CCSER2: variants seen among roughly 807,000 people sequenced by gnomAD.
The protein encoded by CCSER2 is coiled-coil serine rich protein 2.
In CCSER2, 46 loss-of-function variants were observed where a neutral mutation model predicts 92.3. The ratio of observed to expected loss-of-function variants is 0.50; its 90% CI spans 0.39 to 0.64. CCSER2 has a LOEUF of 0.64. CCSER2 is among the 30% of genes least tolerant of loss of function. The probability of loss-of-function intolerance (pLI) is 0.00; values close to 1 mark genes in which losing one functional copy is unlikely to be tolerated. For missense variants in CCSER2, 1,244 were observed against 1,238.9 expected, an observed-to-expected ratio of 1.00 and a Z score of -0.06; for synonymous variants, 433 against 431.4, an observed-to-expected ratio of 1.00 and a Z score of -0.04.
At chr10:84,377,785 T>C (rs922749049) in intron 3 of CCSER2, among the ~76,000 whole-genome samples, 2 of 152,214 alleles carry the variant, frequency 1.3e-5, no homozygotes, top group Non-Finnish European at 2.9e-5. Flanking sequence ...GAAATACTTC[T>C]TGCTAATGTT....
At position 84,425,905 on chromosome 10, in the gene CCSER2, T is replaced by TC; in HGVS notation, c.1868+13dup. 3 of 1,501,476 alleles carry TC rather than the reference T, an allele frequency of 2.0e-6. No individual in the cohort carries two copies. Among genetic ancestry groups the TC allele is most frequent in the Admixed American group, 2.1e-5 (1 of 48,038 alleles). 93.0% of individuals were successfully genotyped at this position (1,501,476 alleles called of 1,614,324 possible). A position where few individuals can be genotyped will look rare whatever the true frequency, so the allele number is the denominator to read the frequency against. On this transcript the variant is annotated intron_variant, in intron 5 of 9. Transcript: ENST00000372088. Reference sequence around the variant, plus strand: ...AGTGACTTGAGCAGGTAAGTACTGTTCTGACTTAGATTTCATTTGCTGTCC... The same window carrying TC: ...AGTGACTTGAGCAGGTAAGTACTGTTCCTGACTTAGATTTCATTTGCTGTCC...
chr10:84,393,050 A>G (rs1310903598), intron 3 of CCSER2, among the ~76,000 whole-genome samples: 4 of 152,116 alleles, frequency 2.6e-5, no homozygotes, highest in African/African-American at 7.2e-5. Flanking sequence ...GTTGCAGTTT[A>G]CCAATTTAGT....
intron 9 of CCSER2, among the ~76,000 whole-genome samples, chr10:84,503,025 C>A (rs1231972140): frequency 6.6e-6 from 1 of 151,986 alleles, no homozygotes; most frequent in Non-Finnish European, 1.5e-5. Context: ...GAGATCGAGA[C>A]CATCCTGGTT....
intron 1 of CCSER2, among the ~76,000 whole-genome samples, chr10:84,362,306 G>T (rs11597310): frequency 0.21 from 31,839 of 151,956 alleles, 3,555 homozygotes; most frequent in Admixed American, 0.34. Context: ...ATTGTTATAG[G>T]TGTCTACTAT....
chr10:84,383,816 A>G (rs189092320), intron 3 of CCSER2, among the ~76,000 whole-genome samples: 8 of 152,344 alleles, frequency 5.3e-5, no homozygotes, highest in Non-Finnish European at 1.2e-4. Context: ...TGAAATTGAA[A>G]TTAAAAAATC....
chr10:84,490,892 T>A (rs190241773), intron 9 of CCSER2, among the ~76,000 whole-genome samples: 1 of 152,352 alleles, frequency 6.6e-6, no homozygotes, highest in Non-Finnish European at 1.5e-5. Flanking sequence ...TGGTCTTTGA[T>A]GATGGTGACC....
At chr10:84,385,468 C>T (rs1220894764) in intron 3 of CCSER2, among the ~76,000 whole-genome samples, 1 of 152,178 alleles carries the variant, frequency 6.6e-6, no homozygotes, top group Non-Finnish European at 1.5e-5. Context: ...ATACATCTGA[C>T]TGAACTTCGA....
At chr10:84,379,877 T>G (rs4301730) in intron 3 of CCSER2, among the ~76,000 whole-genome samples, 53,858 of 151,954 alleles carry the variant, frequency 0.35, 11,451 homozygotes, top group East Asian at 0.5. Context: ...TGTATTTTTC[T>G]CTGTTCCCCT....
At chr10:84,358,182 G>C (rs970781983) in intron 1 of CCSER2, among the ~76,000 whole-genome samples, 8 of 152,210 alleles carry the variant, frequency 5.3e-5, no homozygotes, top group Non-Finnish European at 2.9e-5. Context: ...TATAGTTGCC[G>C]TTGAGAAGCC....
chr10:84,454,959 A>G (rs991823383), intron 6 of CCSER2: 2 of 152,228 alleles, frequency 1.3e-5, no homozygotes, highest in East Asian at 1.9e-4. Context: ...TCATGGGGGA[A>G]AGGGTTTTTC....
intron 3 of CCSER2, among the ~76,000 whole-genome samples, chr10:84,406,003 A>G (rs759744633): frequency 3.9e-5 from 6 of 152,238 alleles, no homozygotes; most frequent in Non-Finnish European, 7.3e-5. Flanking sequence ...ATGCATGCTT[A>G]TAATAACTTC....
chr10:84,461,674 C>T (rs1406874968), intron 6 of CCSER2, among the ~76,000 whole-genome samples: 29 of 142,860 alleles, frequency 2.0e-4, no homozygotes, highest in Non-Finnish European at 3.1e-4. Context: ...TTTTTTTTTT[C>T]CCCCTGAGAT....
intron 1 of CCSER2, among the ~76,000 whole-genome samples, chr10:84,352,408 A>G (rs1294694467): frequency 6.6e-6 from 1 of 152,078 alleles, no homozygotes; most frequent in Non-Finnish European, 1.5e-5. Context: ...GGGCCACAAG[A>G]CATAGTTCAT....
chr10:84,376,566 GT>G (rs897344734), intron 3 of CCSER2, among the ~76,000 whole-genome samples: 15 of 152,014 alleles, frequency 9.9e-5, no homozygotes, highest in Admixed American at 7.9e-4. Context: ...ATATTCCTTT[GT>G]GTGAATATAC....
intron 3 of CCSER2, among the ~76,000 whole-genome samples, chr10:84,401,523 T>C (rs1427995675): frequency 6.6e-6 from 1 of 152,140 alleles, no homozygotes; most frequent in Admixed American, 6.6e-5. Context: ...CCTATAACCA[T>C]TAAAGAATTT....
At chr10:84,348,840 GT>G (rs1221674247) in intron 1 of CCSER2, among the ~76,000 whole-genome samples, 1 of 151,912 alleles carries the variant, frequency 6.6e-6, no homozygotes, top group Non-Finnish European at 1.5e-5. Flanking sequence ...ACTTGTTAAT[GT>G]TTTTTGCCAT....
intron 3 of CCSER2, 136 bp downstream of exon 3, chr10:84,373,951 G>T: frequency 6.8e-7 from 1 of 1,471,930 alleles, no homozygotes. Flanking sequence ...TTTGTTAAGA[G>T]CCTATAAAAT....
At chr10:84,334,462 G>T (rs1370118530) in intron 1 of CCSER2, among the ~76,000 whole-genome samples, 1 of 152,104 alleles carries the variant, frequency 6.6e-6, no homozygotes, top group African/African-American at 2.4e-5. Context: ...GATTGGTTTG[G>T]AATGTCCTAG....
chr10:84,369,453 T>C (rs530269831), intron 1 of CCSER2, among the ~76,000 whole-genome samples: 2 of 152,168 alleles, frequency 1.3e-5, no homozygotes, highest in East Asian at 1.9e-4. Flanking sequence ...TTCTTGGTCA[T>C]TGTATACCTT....
Sources: allele counts gnomAD v4.1 joint callset (sites outside exome capture counted in the v4.1 genomes callset), GRCh38; gene constraint gnomAD v4.1.1; transcripts MANE v1.5; gene names NCBI Gene and HGNC (gene_info 2026-07-23, HGNC 2026-07-21).